Variants in DOCK3 observed in about 807,000 individuals in gnomAD.
DOCK3 encodes the protein dedicator of cytokinesis protein 3.
In DOCK3, 60 loss-of-function variants were observed where a neutral mutation model predicts 265.6. The ratio of observed to expected loss-of-function variants is 0.23; its 90% CI spans 0.18 to 0.28. DOCK3 has a LOEUF of 0.28. Among genes scored for constraint, DOCK3 ranks in the 10% least tolerant of loss-of-function variants. The pLI, the probability that DOCK3 is intolerant of heterozygous loss-of-function variation, is 1.00. For missense variants in DOCK3, 1,981 were observed against 2,594.3 expected, an observed-to-expected ratio of 0.76 and a Z score of 5.14; for synonymous variants, 881 against 938.0, an observed-to-expected ratio of 0.94 and a Z score of 1.11.
intron 27 of DOCK3, among the ~76,000 whole-genome samples, chr3:51,288,437 CCTAT>C (rs1576663769): frequency 6.6e-6 from 1 of 151,120 alleles, no homozygotes; most frequent in Non-Finnish European, 1.5e-5. Flanking sequence ...GACATCAGGG[CCTAT>C]CTAAGAGTGG....
intron 1 of DOCK3, among the ~76,000 whole-genome samples, chr3:50,686,188 G>A (rs571453656): frequency 6.6e-6 from 1 of 151,994 alleles, no homozygotes; most frequent in East Asian, 1.9e-4. Context: ...TGGGGGTGAC[G>A]GAAGGCAGTG....
At position 51,382,250 on chromosome 3, in the gene DOCK3, A is replaced by G. The variant is rs1553619131; in HGVS notation, c.*691A>G. The stretch of plus-strand genomic sequence containing the variant: ...TACTCCACCTTGGATTTTTCTCTCC[A>G]TCACATCATTTCTGACCATTTGCTC... On this transcript the variant is annotated 3_prime_UTR_variant, in exon 53 of 53. Transcript: ENST00000266037. 6.6e-6 allele frequency: 1 copy of G among 152,432 alleles called. No homozygotes were observed. The highest frequency in any genetic ancestry group is 1.9e-4 in the East Asian group (1 of 5,180). The allele number at this position is 152,432 out of a possible 1,614,324, so 9.4% of individuals were successfully genotyped here. A position where few individuals can be genotyped will look rare whatever the true frequency, so the allele number is the denominator to read the frequency against.
chr3:50,845,133 G>A (rs1214047738), intron 3 of DOCK3, among the ~76,000 whole-genome samples: 2 of 152,140 alleles, frequency 1.3e-5, no homozygotes, highest in Non-Finnish European at 2.9e-5. Context: ...TGAGGCAGGA[G>A]AATCGCTTGA....
intron 4 of DOCK3, among the ~76,000 whole-genome samples, chr3:50,926,047 G>C (rs1052016872): frequency 5.9e-5 from 9 of 151,820 alleles, no homozygotes; most frequent in African/African-American, 2.2e-4. Context: ...CGGCCAGGCT[G>C]GTATCAAACT....
In DOCK3 at chr3:51,087,526, A is replaced by G. The variant is rs145411832; in HGVS notation, c.550-1717A>G. ...ATATGACACATCCACAGCTGACATC[A>G]TACTGAATGAGGAAAAGCTGAAATA... On this transcript the variant is annotated intron_variant, in intron 7 of 52. Transcript: ENST00000266037. Among the ~76,000 whole-genome samples, 60 of 152,244 alleles carry G rather than the reference A, an allele frequency of 3.9e-4. 1 individual carries two copies. Among genetic ancestry groups the G allele is most frequent in the Non-Finnish European group, 2.2e-4 (15 of 68,034 alleles).
chr3:51,342,643 G>T lies in DOCK3; in HGVS notation c.3915+1258G>T, dbSNP rs2085315884. On this transcript the variant is annotated intron_variant, in intron 38 of 52. Transcript: ENST00000266037. ...ATGGGCACAGAGTACAGAGTGGAGA[G>T]TTATCCTAATCTGACTGAGTCTACC... Among the ~76,000 whole-genome samples the T allele has an allele frequency of 2.6e-5, 4 of 152,246 alleles. No individual in the cohort carries two copies. The South Asian group carries it at 8.3e-4, about 32-fold the overall frequency.
At chr3:50,891,208 G>T (rs1403219052) in intron 4 of DOCK3, among the ~76,000 whole-genome samples, 1 of 152,040 alleles carries the variant, frequency 6.6e-6, no homozygotes, top group Non-Finnish European at 1.5e-5. Context: ...CTTCCAGCTG[G>T]CAAAGGAGAC....
chr3:50,748,468 G>T lies in DOCK3; in HGVS notation c.38-30207G>T, dbSNP rs1345462249. On this transcript the variant is annotated intron_variant, in intron 1 of 52. Transcript: ENST00000266037. Reference sequence around the variant, plus strand: ...GTGTTCTCTCTAGAGAGCAAAGACAGATCTGGTCACAGCTGGGGAAGGAAT... The same window carrying T: ...GTGTTCTCTCTAGAGAGCAAAGACATATCTGGTCACAGCTGGGGAAGGAAT... Among the ~76,000 whole-genome samples the T allele has an allele frequency of 2.6e-5, 4 of 152,232 alleles. No homozygotes were observed. In the East Asian group the frequency reaches 7.7e-4, roughly 29 times the overall value.
intron 5 of DOCK3, among the ~76,000 whole-genome samples, chr3:50,966,904 G>A (rs1482791698): frequency 6.6e-6 from 1 of 151,428 alleles, no homozygotes; most frequent in Non-Finnish European, 1.5e-5. Flanking sequence ...TTTTTTTTCT[G>A]TAACCTTGTA....
At chr3:51,082,596 A>G (rs1408123921) in intron 7 of DOCK3, among the ~76,000 whole-genome samples, 1 of 152,164 alleles carries the variant, frequency 6.6e-6, no homozygotes, top group Non-Finnish European at 1.5e-5. Context: ...GCACACATTC[A>G]ACACATTCAA....
chr3:50,957,522 A>G (rs1239002408), intron 5 of DOCK3, among the ~76,000 whole-genome samples: 1 of 152,160 alleles, frequency 6.6e-6, no homozygotes, highest in Non-Finnish European at 1.5e-5. Flanking sequence ...CTTCCACTGG[A>G]TGTTACTACC....
intron 3 of DOCK3, chr3:50,880,491 G>T: frequency 5.5e-6 from 1 of 180,824 alleles, no homozygotes; most frequent in Non-Finnish European, 1.2e-5. Flanking sequence ...AGAAAACACT[G>T]TAAACACCTC....
chr3:51,007,948 T>A (rs897556390), intron 5 of DOCK3, among the ~76,000 whole-genome samples: 11 of 152,322 alleles, frequency 7.2e-5, no homozygotes, highest in African/African-American at 2.6e-4. Context: ...GTGGTGTTAT[T>A]TCTGAGGCCT....
At chr3:50,842,752 A>G (rs1000091301) in intron 3 of DOCK3, among the ~76,000 whole-genome samples, 8 of 152,132 alleles carry the variant, frequency 5.3e-5, no homozygotes, top group Non-Finnish European at 1.5e-5. Context: ...AATTTTTCTT[A>G]TATTTCTGAT....
chr3:51,125,366 A>G lies in DOCK3; in HGVS notation c.747-21183A>G, dbSNP rs75636891. On this transcript the variant is annotated intron_variant, in intron 9 of 52. Transcript: ENST00000266037. ...CTAGTAAAGTATCTGACAAATTTAA[A>G]TATTAATGTGGCTTTCAGGTTGGCT... Among the ~76,000 whole-genome samples the G allele has an allele frequency of 3.9e-5, 6 of 152,314 alleles. No individual in the cohort carries two copies. In the East Asian group the frequency reaches 1.2e-3, roughly 29 times the overall value.
At chr3:50,701,525 A>G (rs1251989151) in intron 1 of DOCK3, among the ~76,000 whole-genome samples, 6 of 152,114 alleles carry the variant, frequency 3.9e-5, no homozygotes, top group Non-Finnish European at 8.8e-5. Context: ...ATTTTCTCCC[A>G]TTCTGTGTGT....
intron 4 of DOCK3, among the ~76,000 whole-genome samples, chr3:50,908,255 G>T (rs1575502748): frequency 1.3e-5 from 1 of 78,928 alleles, no homozygotes; most frequent in African/African-American, 5.0e-5. Context: ...GTTATTTCTT[G>T]CTTTCTACTA....
intron 2 of DOCK3, among the ~76,000 whole-genome samples, chr3:50,833,345 T>A (rs747415515): frequency 6.6e-6 from 1 of 152,202 alleles, no homozygotes; most frequent in Admixed American, 6.5e-5. Context: ...AGACAAATCA[T>A]AATAGGACCA....
chr3:51,017,234 T>G lies in DOCK3; in HGVS notation c.316-47214T>G, dbSNP rs770874003. Among the ~76,000 whole-genome samples, 64 of 151,302 alleles carry G rather than the reference T, an allele frequency of 4.2e-4. 1 individual carries two copies. Among genetic ancestry groups the G allele is most frequent in the Non-Finnish European group, 7.4e-4 (50 of 67,862 alleles). The stretch of plus-strand genomic sequence containing the variant: ...TGGTATCAGTTGTGATGTCTCCTTT[T>G]TCATCTCTGATTTTATTTGAGTCTT... On this transcript the variant is annotated intron_variant, in intron 5 of 52. Transcript: ENST00000266037.
Sources: gnomAD v4.1 joint callset for allele counts (sites outside exome capture counted in the v4.1 genomes callset) on GRCh38, gnomAD v4.1.1 for gene constraint, MANE v1.5 for transcripts, NCBI Gene and HGNC (gene_info 2026-07-23, HGNC 2026-07-21) for gene names.